The following NTM variants were observed in gnomAD, a reference collection of about 807,000 sequenced individuals.
The protein encoded by NTM is IgLON family member 2.
A neutral mutation model predicts 42.1 loss-of-function variants in NTM; 13 were observed. That is an observed-to-expected ratio of 0.31 (90% CI 0.20 to 0.49). The LOEUF (loss-of-function observed/expected upper bound fraction) is 0.49. NTM is among the 20% of genes least tolerant of loss of function. NTM has a pLI of 0.99. For missense variants in NTM, 373 were observed against 452.8 expected, an observed-to-expected ratio of 0.82 and a Z score of 1.60; for synonymous variants, 187 against 179.2, an observed-to-expected ratio of 1.04 and a Z score of -0.35.
chr11:132,209,622 A>G (rs912622794), intron 3 of NTM, among the ~76,000 whole-genome samples: 2 of 152,260 alleles, frequency 1.3e-5, no homozygotes, highest in African/African-American at 2.4e-5. Flanking sequence ...CATGTTACAT[A>G]AAAGTTTACT....
chr11:131,828,792 A>C (rs2042446819), intron 1 of NTM, among the ~76,000 whole-genome samples: 1 of 152,136 alleles, frequency 6.6e-6, no homozygotes, highest in Non-Finnish European at 1.5e-5. Context: ...CCTAGTCTCT[A>C]TTCTACCTTC....
intron 1 of NTM, among the ~76,000 whole-genome samples, chr11:131,385,636 T>C (rs1323811174): frequency 3.9e-5 from 6 of 152,138 alleles, no homozygotes; most frequent in Admixed American, 3.9e-4. Context: ...GAGGATTGCT[T>C]AAGCCCAAGA....
chr11:132,131,506 G>A (rs76752583), intron 2 of NTM, among the ~76,000 whole-genome samples: 2,755 of 152,284 alleles, frequency 0.018, 87 homozygotes, highest in African/African-American at 0.063. Flanking sequence ...CGAAAGTGCA[G>A]CCTTGTTGGG....
intron 1 of NTM, among the ~76,000 whole-genome samples, chr11:131,420,972 C>T (rs1263971832): frequency 6.6e-6 from 1 of 152,026 alleles, no homozygotes; most frequent in Non-Finnish European, 1.5e-5. Context: ...GGCCTTTCTC[C>T]CTTGCCCTCT....
intron 1 of NTM, among the ~76,000 whole-genome samples, chr11:131,524,825 A>C (rs1257731190): frequency 6.6e-6 from 1 of 152,166 alleles, no homozygotes; most frequent in East Asian, 1.9e-4. Context: ...GACCAGCCCC[A>C]CAGCAGGGGC....
At chr11:131,390,641 A>G (rs188569382) in intron 1 of NTM, among the ~76,000 whole-genome samples, 2 of 152,300 alleles carry the variant, frequency 1.3e-5, no homozygotes, top group African/African-American at 4.8e-5. Flanking sequence ...AAAGTGGTGC[A>G]GGCCTGGGAA....
At chr11:131,934,755 C>A (rs1264026407) in intron 2 of NTM, among the ~76,000 whole-genome samples, 1 of 152,080 alleles carries the variant, frequency 6.6e-6, no homozygotes, top group Non-Finnish European at 1.5e-5. Flanking sequence ...AGCAGGACAC[C>A]GCAGGGAGCA....
At chr11:131,792,975 C>T (rs2136161310) in intron 1 of NTM, among the ~76,000 whole-genome samples, 1 of 152,308 alleles carries the variant, frequency 6.6e-6, no homozygotes, top group South Asian at 2.1e-4. Flanking sequence ...ATTGGATTCT[C>T]CAGAGAGCAG....
At chr11:131,644,633 C>T (rs1453139813) in intron 1 of NTM, among the ~76,000 whole-genome samples, 1 of 152,156 alleles carries the variant, frequency 6.6e-6, no homozygotes, top group African/African-American at 2.4e-5. Context: ...GGATTTTCTT[C>T]ATCATGGTAT....
At chr11:131,809,443 A>T (rs1393178088) in intron 1 of NTM, among the ~76,000 whole-genome samples, 1 of 152,186 alleles carries the variant, frequency 6.6e-6, no homozygotes, top group Non-Finnish European at 1.5e-5. Context: ...TGCCTCATGG[A>T]GCAGCTGATC....
intron 1 of NTM, among the ~76,000 whole-genome samples, chr11:131,676,110 G>A (rs2134714473): frequency 6.6e-6 from 1 of 152,282 alleles, no homozygotes; most frequent in East Asian, 1.9e-4. Context: ...CTGAACCCTT[G>A]CTTTTCTCTT....
chr11:132,320,869 C>G (rs1223974754), intron 7 of NTM, among the ~76,000 whole-genome samples: 2 of 151,734 alleles, frequency 1.3e-5, no homozygotes, highest in Non-Finnish European at 2.9e-5. Context: ...TCCCTGACCC[C>G]TGACCCCCGA....
At chr11:131,868,137 A>G (rs2047411859) in intron 1 of NTM, among the ~76,000 whole-genome samples, 1 of 152,126 alleles carries the variant, frequency 6.6e-6, no homozygotes, top group African/African-American at 2.4e-5. Flanking sequence ...GCCAGTTTAG[A>G]ATTAGAATTT....
chr11:132,207,507 A>G (rs184589836), intron 3 of NTM, among the ~76,000 whole-genome samples: 232 of 152,326 alleles, frequency 1.5e-3, no homozygotes, highest in Non-Finnish European at 2.9e-3. Flanking sequence ...ACAATGTAAT[A>G]ATAATATAAA....
chr11:132,175,546 C>T (rs1486750027), intron 3 of NTM, among the ~76,000 whole-genome samples: 2 of 152,068 alleles, frequency 1.3e-5, no homozygotes, highest in Non-Finnish European at 1.5e-5. Context: ...TCAGATTCTG[C>T]CATTCTGTGC....
intron 2 of NTM, among the ~76,000 whole-genome samples, chr11:132,060,768 T>A (rs1255201940): frequency 6.6e-6 from 1 of 152,210 alleles, no homozygotes; most frequent in Non-Finnish European, 1.5e-5. Flanking sequence ...GTTTGCAGAA[T>A]GATTCAGAAA....
chr11:131,961,077 A>G (rs1258334161), intron 2 of NTM, among the ~76,000 whole-genome samples: 1 of 152,186 alleles, frequency 6.6e-6, no homozygotes, highest in Non-Finnish European at 1.5e-5. Context: ...TGAGTCCCCT[A>G]GATCCTTTTG....
intron 4 of NTM, among the ~76,000 whole-genome samples, chr11:132,299,676 C>T (rs895436917): frequency 2.6e-5 from 4 of 152,156 alleles, no homozygotes; most frequent in Non-Finnish European, 5.9e-5. Flanking sequence ...TAGAACAATT[C>T]AGCTGTCCCA....
At chr11:131,817,828 C>T (rs1394177465) in intron 1 of NTM, among the ~76,000 whole-genome samples, 1 of 152,254 alleles carries the variant, frequency 6.6e-6, no homozygotes, top group East Asian at 1.9e-4. Context: ...AGACTCATCG[C>T]AGCCCCTGTG....
Sources: allele counts gnomAD v4.1 joint callset (sites outside exome capture counted in the v4.1 genomes callset), GRCh38; gene constraint gnomAD v4.1.1; transcripts MANE v1.5; gene names NCBI Gene and HGNC (gene_info 2026-07-23, HGNC 2026-07-21).